Variants in MAPK12 observed in about 807,000 individuals in gnomAD.
MAPK12 encodes the protein mitogen-activated protein kinase 12.
Under a neutral mutation model 49.1 loss-of-function variants are expected in MAPK12, and 49 were observed. That is an observed-to-expected ratio of 1.00 (90% CI 0.79 to 1.27). The LOEUF is 1.27. Ranked by LOEUF, MAPK12 falls within the 50% of genes most tolerant of loss-of-function variation. The probability of loss-of-function intolerance (pLI) is 0.00; values close to 1 mark genes in which losing one functional copy is unlikely to be tolerated. For synonymous variants in MAPK12, 251 were observed against 209.7 expected (o/e 1.20, Z -1.70); for missense variants, 554 against 502.4 (o/e 1.10, Z -0.98).
chr22:50,254,054 C>A (rs528270062), intron 11 of MAPK12: 1 of 156,404 alleles, frequency 6.4e-6, no homozygotes, highest in African/African-American at 2.4e-5. Context: ...CCACCCCAGG[C>A]TGGTCATGCA....
chr22:50,257,274 G>T, intron 3 of MAPK12, 81 bp from the exon 4 acceptor site: 1 of 1,115,412 alleles, frequency 9.0e-7, no homozygotes, highest in South Asian at 1.3e-5. Context: ...CCCAGGCTCA[G>T]ACCCGTCCCG....
At chr22:50,260,226 ACGGGGCACTTTGCTGGTGG>A in intron 2 of MAPK12, among the ~76,000 whole-genome samples, 1 of 17,034 alleles carries the variant, frequency 5.9e-5, no homozygotes, top group Admixed American at 5.8e-4. Context: ...GAACCGGGGG[ACGGGGCACTTTGCTGGTGG>A]ACGGGGCACT....
At position 50,255,932 on chromosome 22, in the gene MAPK12, G is replaced by A. The variant is rs548553355; in HGVS notation, c.620-51C>T. On this transcript the variant is annotated intron_variant, in intron 7 of 11. Coordinates refer to ENST00000215659, the MANE Select transcript of MAPK12 (RefSeq NM_002969.6). ...CGTGGGCAGGGGGACAGGATGAGAC[G>A]GGGAGGGAGGAGACACCAACACAGC... 1.7e-5 allele frequency: 26 copies of A among 1,572,774 alleles called. No homozygotes were observed. In the East Asian group the frequency reaches 4.3e-4, roughly 26 times the overall value.
intron 6 of MAPK12, 65 bp downstream of exon 6, chr22:50,256,534 A>C: frequency 6.4e-7 from 1 of 1,564,946 alleles, no homozygotes; most frequent in Non-Finnish European, 8.7e-7. Flanking sequence ...TGACAGGTGG[A>C]TAGATGGGCA....
chr22:50,256,175 G>C lies in MAPK12; in HGVS notation c.529C>G (p.Gln177Glu). 1 of 1,612,628 alleles carries C rather than the reference G, an allele frequency of 6.2e-7. No homozygotes were observed. ...TACCCAGTCATCTCACTGTCTGCCT[G>C]CCTGGCCAGGCCGAAGTCCAGGATC... ...LKILDFGLARQADSEMTGYVV... is the reference protein window; with the variant it reads ...LKILDFGLAREADSEMTGYVV... The change falls in exon 7 of 12, where the codon CAG becomes GAG. Residue 177 changes from glutamine (Q) to glutamate (E), a missense_variant. Physicochemically the swap from Gln to Glu is conservative, Grantham distance 29 (BLOSUM62 2). Transcript: ENST00000215659.
At chr22:50,258,924 G>A (rs943619582) in intron 2 of MAPK12, among the ~76,000 whole-genome samples, 1 of 152,234 alleles carries the variant, frequency 6.6e-6, no homozygotes, top group African/African-American at 2.4e-5. Flanking sequence ...GAGTGGCCGA[G>A]GCAGGAGGGA....
At chr22:50,258,452 G>C in intron 2 of MAPK12, 151 bp from the exon 3 acceptor site, 1 of 711,408 alleles carries the variant, frequency 1.4e-6, no homozygotes, top group Non-Finnish European at 2.5e-6. Flanking sequence ...CCCACTGGCA[G>C]TGTGGCCCAG....
chr22:50,253,501 G>GGGGGGGGGGA, intron 11 of MAPK12, 21 bp from the exon 12 acceptor site: 1 of 354,170 alleles, frequency 2.8e-6, no homozygotes, highest in Non-Finnish European at 5.6e-6. Context: ...TGGGGGGGCG[G>GGGGGGGGGGA]GCACAACAGA....
rs1167440591 is a variant in MAPK12 at position 50,253,380 on chromosome 22, CA to C, written c.*20del. The C allele has an allele frequency of 3.2e-6, 5 of 1,539,028 alleles. No individual in the cohort carries two copies. The highest frequency in any genetic ancestry group is 4.4e-6 in the Non-Finnish European group (5 of 1,138,594). ...GGAAGGTGAAGGTGGTCCTCACTGC[CA>C]CCCCGGAGCCCAGAGATCTTCACAG... On this transcript the variant is annotated 3_prime_UTR_variant, in exon 12 of 12. Coordinates refer to ENST00000215659, the MANE Select transcript of MAPK12 (RefSeq NM_002969.6).
chr22:50,261,453 C>A lies in MAPK12; in HGVS notation c.57G>T (p.Thr19=), dbSNP rs764814024. The A allele has an allele frequency of 2.3e-6, 3 of 1,283,578 alleles. No individual in the cohort carries two copies. The highest frequency in any genetic ancestry group is 3.2e-5 in the African/African-American group (2 of 63,382). The allele number at this position is 1,283,578 out of a possible 1,614,324, so 79.5% of individuals were successfully genotyped here. The change falls in exon 1 of 12, where the codon ACG becomes ACT. Residue 19 remains threonine (T), a synonymous_variant. Coordinates refer to ENST00000215659, the MANE Select transcript of MAPK12 (RefSeq NM_002969.6). ...SGFYRQEVTK[T]AWEVRAVYRD... is the part of the protein sequence containing the mutation. ...GGTACACGGCGCGCACCTCCCAGGC[C>A]GTCTTGGTCACCTCCTGGCGGTAAA...
intron 11 of MAPK12, 196 bp from the exon 12 acceptor site, chr22:50,253,676 T>C: frequency 1.7e-6 from 1 of 592,776 alleles, no homozygotes; most frequent in Non-Finnish European, 3.0e-6. Flanking sequence ...AAAGGGGAGG[T>C]GGCCAGGGCT....
intron 7 of MAPK12, 48 bp from the exon 8 acceptor site, chr22:50,255,929 G>A (rs530085703): frequency 2.5e-6 from 4 of 1,579,306 alleles, no homozygotes; most frequent in African/African-American, 1.3e-5. Context: ...GACAGGATGA[G>A]ACGGGGAGGG....
chr22:50,253,502 G>GGGGGGGGGGGGGGGCCCCCCCCC, intron 11 of MAPK12, 22 bp from the exon 12 acceptor site: 2 of 171,672 alleles, frequency 1.2e-5, no homozygotes, highest in Non-Finnish European at 2.3e-5. Flanking sequence ...GGGGGGGCGG[G>GGGGGGGGGGGGGGGCCCCCCCCC]CACAACAGAG....
chr22:50,255,137 G>A (rs2065135442), intron 11 of MAPK12, 60 bp downstream of exon 11: 1 of 1,599,590 alleles, frequency 6.3e-7, no homozygotes, highest in Non-Finnish European at 8.5e-7. Context: ...GTCCACACAG[G>A]CCCTGCCCAG....
At chr22:50,257,655 G>C in intron 3 of MAPK12, 1 of 587,362 alleles carries the variant, frequency 1.7e-6, no homozygotes, top group Non-Finnish European at 3.0e-6. Context: ...GGGTCAGAGG[G>C]GTCGGCTGGG....
chr22:50,256,245 G>A, intron 6 of MAPK12, 46 bp from the exon 7 acceptor site: 1 of 1,460,472 alleles, frequency 6.8e-7, no homozygotes, highest in South Asian at 1.2e-5. Context: ...CTCCCAAGGA[G>A]CGGACAGGCC....
chr22:50,259,282 G>A lies in MAPK12; in HGVS notation c.256-981C>T, dbSNP rs139061504. Among the ~76,000 whole-genome samples, 99 of 152,252 alleles carry A rather than the reference G, an allele frequency of 6.5e-4. 1 individual carries two copies. In the East Asian group the frequency reaches 0.017, roughly 26 times the overall value. ...GGCAGCGGGGACTGTGGACATGAGA[G>A]CTGGAGGGTGCCCGGGAGAGTGCTT... On this transcript the variant is annotated intron_variant, in intron 2 of 11. Transcript: ENST00000215659.
chr22:50,261,372 G>A lies in MAPK12; in HGVS notation c.125+13C>T. 1 of 1,149,546 alleles carries A rather than the reference G, an allele frequency of 8.7e-7. No individual in the cohort carries two copies. The highest frequency in any genetic ancestry group is 1.1e-6 in the Non-Finnish European group (1 of 931,168). The allele number at this position is 1,149,546 out of a possible 1,614,324, so 71.2% of individuals were successfully genotyped here. A position where few individuals can be genotyped will look rare whatever the true frequency, so the allele number is the denominator to read the frequency against. On this transcript the variant is annotated intron_variant, in intron 1 of 11. Coordinates refer to ENST00000215659, the MANE Select transcript of MAPK12 (RefSeq NM_002969.6). The stretch of plus-strand genomic sequence containing the variant: ...GCCCGCCCCGCCGGCCGCCCCGCCC[G>A]GCCCGCGCTCACCACACCGCGCCGT...
chr22:50,254,540 T>C (rs1382192293), intron 11 of MAPK12: 2 of 608,244 alleles, frequency 3.3e-6, no homozygotes, highest in Non-Finnish European at 4.1e-6. Context: ...TAGTCCCGGC[T>C]ACTCGGGAGG....
Sources: allele counts gnomAD v4.1 joint callset (sites outside exome capture counted in the v4.1 genomes callset), GRCh38; gene constraint gnomAD v4.1.1; transcripts MANE v1.5; gene names NCBI Gene and HGNC (gene_info 2026-07-23, HGNC 2026-07-21).